The following KCNH1 variants were observed in gnomAD, a reference collection of about 807,000 sequenced individuals.
The protein encoded by KCNH1 is voltage-gated delayed rectifier potassium channel KCNH1.
KCNH1 carries 27 observed loss-of-function variants against 69.2 expected under a neutral mutation model. The ratio of observed to expected loss-of-function variants is 0.39; its 90% CI spans 0.29 to 0.54. The LOEUF (loss-of-function observed/expected upper bound fraction) is 0.54, where lower values mean the gene tolerates loss of function less well. Among genes scored for constraint, KCNH1 ranks in the 20% least tolerant of loss-of-function variants. The pLI is 0.68. For synonymous variants in KCNH1, 456 were observed against 487.7 expected (o/e 0.93, Z 0.86); for missense variants, 798 against 1,261.6 (o/e 0.63, Z 5.57).
At chr1:210,750,260 T>C (rs1683254537) in intron 10 of KCNH1, among the ~76,000 whole-genome samples, 1 of 152,188 alleles carries the variant, frequency 6.6e-6, no homozygotes, top group South Asian at 2.1e-4. Context: ...TCCGATAAGA[T>C]AAAATATGTG....
chr1:211,056,177 G>T (rs1045740794), intron 5 of KCNH1, among the ~76,000 whole-genome samples: 1 of 152,194 alleles, frequency 6.6e-6, no homozygotes, highest in African/African-American at 2.4e-5. Flanking sequence ...GGAACCCACT[G>T]CCCTAAAGGA....
chr1:211,041,983 G>T (rs1690004531), intron 5 of KCNH1, among the ~76,000 whole-genome samples: 1 of 152,120 alleles, frequency 6.6e-6, no homozygotes, highest in South Asian at 2.1e-4. Context: ...TGGAACTCCT[G>T]ACCTCAAGTG....
Position 210,680,900 on chromosome 1 carries a change from C to G in KCNH1, c.*2381G>C, listed in dbSNP as rs1050481088. On this transcript the variant is annotated 3_prime_UTR_variant, in exon 11 of 11. Transcript: ENST00000271751. Reference sequence around the variant, plus strand: ...TCTGGACTTCAAAGCCTTATACCATCTTTGCCCCTCATACCCAGAGGTCTG... The same window carrying G: ...TCTGGACTTCAAAGCCTTATACCATGTTTGCCCCTCATACCCAGAGGTCTG... 1.3e-5 allele frequency: 2 copies of G among 152,234 alleles called. No individual in the cohort carries two copies. The highest frequency in any genetic ancestry group is 2.4e-5 in the African/African-American group (1 of 41,456). The allele number at this position is 152,234 out of a possible 1,614,324, so 9.4% of individuals were successfully genotyped here.
intron 10 of KCNH1, among the ~76,000 whole-genome samples, chr1:210,746,471 C>T (rs775627628): frequency 1.3e-5 from 2 of 152,128 alleles, no homozygotes; most frequent in African/African-American, 2.4e-5. Flanking sequence ...CATCCCAGTG[C>T]CTCTCAAAGC....
chr1:210,727,039 C>T (rs1259968172), intron 10 of KCNH1, among the ~76,000 whole-genome samples: 1 of 152,164 alleles, frequency 6.6e-6, no homozygotes, highest in Non-Finnish European at 1.5e-5. Flanking sequence ...AAAAAGTCAA[C>T]AATTGCTAAT....
At chr1:210,729,050 T>C (rs1682679141) in intron 10 of KCNH1, among the ~76,000 whole-genome samples, 1 of 152,222 alleles carries the variant, frequency 6.6e-6, no homozygotes, top group Admixed American at 6.5e-5. Context: ...ATAATGTGGC[T>C]GAGGTTAGAT....
intron 10 of KCNH1, among the ~76,000 whole-genome samples, chr1:210,725,147 T>C (rs1000464444): frequency 1.3e-5 from 2 of 152,176 alleles, no homozygotes; most frequent in Non-Finnish European, 1.5e-5. Flanking sequence ...AAGACCTTCC[T>C]GGCTAGCATT....
In KCNH1 at chr1:210,683,276, A is replaced by T; in HGVS notation, c.*5T>A. ...TGTCTCTGACTTTTTTTTTAAATAG[A>T]CCTCTCAGCTGGCTCCAAAAATGTC... On this transcript the variant is annotated 3_prime_UTR_variant, in exon 11 of 11. Coordinates refer to ENST00000271751, the MANE Select transcript of KCNH1 (RefSeq NM_172362.3). This position sits in a 1 kb window ranked among gnomAD's most constrained non-coding sequence, Gnocchi z 5.7. The T allele has an allele frequency of 9.3e-6, 15 of 1,607,244 alleles. No individual in the cohort carries two copies. Among genetic ancestry groups the T allele is most frequent in the Non-Finnish European group, 1.3e-5 (15 of 1,177,188 alleles).
intron 10 of KCNH1, among the ~76,000 whole-genome samples, chr1:210,739,855 C>T (rs532953304): frequency 4.9e-4 from 75 of 152,228 alleles, no homozygotes; most frequent in South Asian, 4.6e-3. Context: ...GGATGGACCT[C>T]GCAGCACAAC....
chr1:211,006,579 G>A (rs182115002), intron 6 of KCNH1, among the ~76,000 whole-genome samples: 2 of 126,690 alleles, frequency 1.6e-5, no homozygotes, highest in Admixed American at 1.4e-4. Context: ...AGGGATGTCT[G>A]GGAGTTGGTT....
chr1:210,859,004 A>C, intron 7 of KCNH1: 3 of 404,872 alleles, frequency 7.4e-6, no homozygotes, highest in Non-Finnish European at 9.0e-6. Flanking sequence ...TTCCAGTGCC[A>C]GGTTGCATGA....
At chr1:210,849,549 A>G (rs1685638545) in intron 7 of KCNH1, among the ~76,000 whole-genome samples, 1 of 151,878 alleles carries the variant, frequency 6.6e-6, no homozygotes, top group Admixed American at 6.6e-5. Flanking sequence ...TATTTTTACC[A>G]GAGACGGGGT....
At position 210,893,011 on chromosome 1, in the gene KCNH1, C is replaced by A. The variant is rs115011839; in HGVS notation, c.1462+26629G>T. ...GGATACTGATTCCATTCTAAGGGGT[C>A]GGAGGAAAAGTGGTAGTCATCTGAA... On this transcript the variant is annotated intron_variant, in intron 7 of 10. Transcript: ENST00000271751. Among the ~76,000 whole-genome samples the A allele has an allele frequency of 3.9e-3, 593 of 152,106 alleles. 6 individuals carry two copies. The highest frequency in any genetic ancestry group is 0.014 in the African/African-American group (566 of 41,510).
At chr1:210,766,516 G>T (rs75758392) in intron 10 of KCNH1, among the ~76,000 whole-genome samples, 26,529 of 151,986 alleles carry the variant, frequency 0.17, 3,047 homozygotes, top group Non-Finnish European at 0.26. Context: ...CAAGATTGAG[G>T]GGGGGTGGGG....
chr1:211,071,057 C>T (rs1690633739), intron 5 of KCNH1, among the ~76,000 whole-genome samples: 2 of 152,110 alleles, frequency 1.3e-5, no homozygotes, highest in African/African-American at 2.4e-5. Flanking sequence ...GTATTACATA[C>T]TGTATTCTTA....
At position 210,866,565 on chromosome 1, in the gene KCNH1, A is replaced by G. The variant is rs573341135; in HGVS notation, c.1462+53075T>C. 5.3e-5 allele frequency among the ~76,000 whole-genome samples: 8 copies of G among 152,310 alleles called. No homozygotes were observed. In the East Asian group the frequency reaches 1.2e-3, roughly 22 times the overall value. The stretch of plus-strand genomic sequence containing the variant: ...ATGCAAATCAAAATCACAATGAGAC[A>G]TCACTTTACACCCATTAAAATGGCC... On this transcript the variant is annotated intron_variant, in intron 7 of 10. Transcript: ENST00000271751.
intron 4 of KCNH1, among the ~76,000 whole-genome samples, chr1:211,087,511 A>G (rs1157438547): frequency 1.3e-5 from 2 of 152,038 alleles, no homozygotes; most frequent in East Asian, 1.9e-4. Context: ...AACAAAAGAA[A>G]AAGCAAGAGA....
intron 6 of KCNH1, among the ~76,000 whole-genome samples, chr1:211,012,101 T>C (rs1689405559): frequency 6.6e-6 from 1 of 152,108 alleles, no homozygotes; most frequent in Admixed American, 6.5e-5. Context: ...TTTTCCAAAA[T>C]AATTGGATAG....
intron 7 of KCNH1, among the ~76,000 whole-genome samples, chr1:210,850,311 A>T (rs1455445622): frequency 6.6e-6 from 1 of 152,102 alleles, no homozygotes; most frequent in East Asian, 1.9e-4. Flanking sequence ...CAGCCTAGCC[A>T]ACATGGTGAA....
Sources: allele counts gnomAD v4.1 joint callset (sites outside exome capture counted in the v4.1 genomes callset), GRCh38; gene constraint gnomAD v4.1.1; non-coding constraint Gnocchi (gnomAD v3.1); transcripts MANE v1.5; gene names NCBI Gene and HGNC (gene_info 2026-07-23, HGNC 2026-07-21).